AASS: variants seen among roughly 807,000 people sequenced by gnomAD.
AASS encodes the protein aminoadipate-semialdehyde synthase, also known as alpha-aminoadipic semialdehyde synthase, mitochondrial.
AASS carries 86 observed loss-of-function variants against 105.4 expected under a neutral mutation model. The observed-to-expected ratio is 0.82, with a 90% CI of 0.69 to 0.98. The LOEUF (loss-of-function observed/expected upper bound fraction) is 0.98, where lower values mean the gene tolerates loss of function less well. AASS is among the 50% of genes least tolerant of loss of function. The pLI, the probability that AASS is intolerant of heterozygous loss-of-function variation, is 0.00. For synonymous variants in AASS, 381 were observed against 394.8 expected, an observed-to-expected ratio of 0.96 and a Z score of 0.41; for missense variants, 1,048 against 1,143.2, an observed-to-expected ratio of 0.92 and a Z score of 1.20.
At chr7:122,089,222 C>T (rs1215818340) in intron 18 of AASS, among the ~76,000 whole-genome samples, 1 of 152,050 alleles carries the variant, frequency 6.6e-6, no homozygotes, top group African/African-American at 2.4e-5. Flanking sequence ...GACTGATACA[C>T]TTGAATTACT....
chr7:122,079,190 TAA>T, intron 21 of AASS: 2 of 1,411,196 alleles, frequency 1.4e-6, no homozygotes, highest in Non-Finnish European at 1.8e-6. Flanking sequence ...TGATGGATTG[TAA>T]TCCCATGTTC....
rs1433519188 is a variant in AASS, at chr7:122,092,844, G to T, written c.1874C>A (p.Thr625Lys). Reference sequence around the variant, plus strand: ...CCTTTGGGTACAAATTGGGCTCACCGTGGCTCCCACTTCCTTGGCTTTATC... The same window carrying T: ...CCTTTGGGTACAAATTGGGCTCACCTTGGCTCCCACTTCCTTGGCTTTATC... ...TIDKAKEVGA[T>K]IESYISYCGG... The change falls in exon 17 of 24, where the codon ACG (threonine) becomes AAG (lysine). Residue 625 changes from threonine (T) to lysine (K), a missense_variant and splice_region_variant. Thr to Lys is a moderately conservative substitution (Grantham distance 78). Transcript: ENST00000417368. 6.2e-7 allele frequency: 1 copy of T among 1,613,100 alleles called. No individual in the cohort carries two copies. The highest frequency in any genetic ancestry group is 1.3e-5 in the African/African-American group (1 of 74,852).
chr7:122,102,796 C>G (rs1300124965), intron 11 of AASS, among the ~76,000 whole-genome samples: 1 of 151,740 alleles, frequency 6.6e-6, no homozygotes, highest in African/African-American at 2.4e-5. Flanking sequence ...CACACAACAT[C>G]CAGAGCCTCG....
intron 11 of AASS, among the ~76,000 whole-genome samples, chr7:122,104,473 G>A (rs1265381547): frequency 6.6e-6 from 1 of 152,016 alleles, no homozygotes; most frequent in African/African-American, 2.4e-5. Context: ...GTGGGCACCT[G>A]TAATCCCATC....
At chr7:122,080,198 T>C (rs2150507664) in intron 20 of AASS, among the ~76,000 whole-genome samples, 1 of 152,336 alleles carries the variant, frequency 6.6e-6, no homozygotes, top group Non-Finnish European at 1.5e-5. Context: ...ACAGTAGCCA[T>C]AGTTTTTTCT....
intron 4 of AASS, among the ~76,000 whole-genome samples, chr7:122,122,890 A>C (rs1795502633): frequency 1.3e-5 from 2 of 152,132 alleles, no homozygotes. Flanking sequence ...TAGCTGTTTT[A>C]ATCTGCTTGT....
intron 4 of AASS, among the ~76,000 whole-genome samples, chr7:122,124,572 C>T (rs976541621): frequency 1.1e-4 from 16 of 152,180 alleles, no homozygotes; most frequent in African/African-American, 2.9e-4. Context: ...TGTGAGCCAC[C>T]GCACCCAGTC....
At chr7:122,128,880 G>C (rs905046528) in intron 3 of AASS, among the ~76,000 whole-genome samples, 4 of 152,040 alleles carry the variant, frequency 2.6e-5, no homozygotes, top group African/African-American at 7.2e-5. Context: ...AGATTGAGAC[G>C]ATCCTGGCTA....
chr7:122,098,709 T>A, intron 14 of AASS, 36 bp downstream of exon 14: 1 of 1,600,846 alleles, frequency 6.2e-7, no homozygotes, highest in African/African-American at 1.3e-5. Context: ...CGCTATAAAA[T>A]ACATTTTTCT....
At chr7:122,140,495 A>AAAAAAAAAAAAAAAAAAAAAAG (rs1300965186) in intron 1 of AASS, among the ~76,000 whole-genome samples, 1 of 148,586 alleles carries the variant, frequency 6.7e-6, no homozygotes, top group African/African-American at 2.5e-5. Flanking sequence ...CAAAAAAAAA[A>AAAAAAAAAAAAAAAAAAAAAAG]AAAAAAAAAA....
At position 122,098,869 on chromosome 7, in the gene AASS, A is replaced by AT. The variant is rs749943485; in HGVS notation, c.1407-4dup. On this transcript the variant is annotated splice_region_variant and splice_polypyrimidine_tract_variant and intron_variant, in intron 13 of 23. Coordinates refer to ENST00000417368, the MANE Select transcript of AASS (RefSeq NM_005763.4). ...TTGAAAGTGACTGAGCACGTTCCCTATTTAAAAAAAAAAAAAAAAAAAAAA... is the reference window on the plus strand; with the variant it reads ...TTGAAAGTGACTGAGCACGTTCCCTATTTTAAAAAAAAAAAAAAAAAAAAAA... The AT allele has an allele frequency of 9.5e-6, 13 of 1,364,640 alleles. No homozygotes were observed. The East Asian group carries it at 1.1e-4, about 11-fold the overall frequency. 84.5% of individuals were successfully genotyped at this position (1,364,640 alleles called of 1,614,324 possible). A position where few individuals can be genotyped will look rare whatever the true frequency, so the allele number is the denominator to read the frequency against.
At chr7:122,138,375 G>A (rs1444711972) in intron 1 of AASS, among the ~76,000 whole-genome samples, 1 of 152,060 alleles carries the variant, frequency 6.6e-6, no homozygotes, top group African/African-American at 2.4e-5. Flanking sequence ...CTATGATATA[G>A]TTTAATTTAT....
chr7:122,079,212 T>C, intron 21 of AASS: 2 of 1,388,142 alleles, frequency 1.4e-6, no homozygotes, highest in South Asian at 1.5e-5. Context: ...CTTACAAAGA[T>C]CTTTATGAGA....
chr7:122,093,099 T>A lies in AASS; in HGVS notation c.1715A>T (p.Asn572Ile). ...TGTGATGTAGCTTGCAGTGACCATG[T>A]TAACTTTGTTTGTGATGCAGGCCTT... Reference protein sequence around the residue: ...VAKACITNKVNMVTASYITPA... With the variant: ...VAKACITNKVIMVTASYITPA... Residue 572 changes from asparagine to isoleucine, a missense_variant, in exon 16 of 24, where the codon AAC (asparagine) becomes ATC (isoleucine). Coordinates refer to ENST00000417368, the MANE Select transcript of AASS (RefSeq NM_005763.4). The A allele has an allele frequency of 6.2e-7, 1 of 1,614,016 alleles. No homozygotes were observed. Among genetic ancestry groups the A allele is most frequent in the Non-Finnish European group, 8.5e-7 (1 of 1,179,892 alleles).
At chr7:122,082,389 T>C (rs1271942082) in intron 19 of AASS, among the ~76,000 whole-genome samples, 1 of 152,130 alleles carries the variant, frequency 6.6e-6, no homozygotes, top group African/African-American at 2.4e-5. Context: ...CACTTCTTCA[T>C]TTATGAAATG....
intron 1 of AASS, among the ~76,000 whole-genome samples, chr7:122,140,485 CAAAAAAAAAAAAAAA>C (rs57828681): frequency 2.7e-5 from 1 of 37,328 alleles, no homozygotes; most frequent in Non-Finnish European, 4.7e-5. Context: ...GACTCAGTCT[CAAAAAAAAAAAAAAA>C]AAAAAAAAGA....
rs577163286 is a variant in AASS at position 122,117,024 on chromosome 7, A to AGATCT, written c.688-72_688-68dup. 7.3e-5 allele frequency: 102 copies of AGATCT among 1,394,228 alleles called. 1 individual carries two copies. The highest frequency in any genetic ancestry group is 7.3e-5 in the Non-Finnish European group (72 of 986,382). The allele number at this position is 1,394,228 out of a possible 1,614,324, so 86.4% of individuals were successfully genotyped here. On this transcript the variant is annotated intron_variant, in intron 6 of 23. Coordinates refer to ENST00000417368, the MANE Select transcript of AASS (RefSeq NM_005763.4). Reference sequence around the variant, plus strand: ...AAAGAACCAACATGGTTTTCTGCAAAGATCTGATCATTTTCCCAACAATTA... The same window carrying AGATCT: ...AAAGAACCAACATGGTTTTCTGCAAAGATCTGATCTGATCATTTTCCCAACAATTA...
intron 3 of AASS, 33 bp from the exon 4 acceptor site, chr7:122,126,492 C>A (rs368117719): frequency 6.4e-7 from 1 of 1,556,380 alleles, no homozygotes. Context: ...TCAACTGGAC[C>A]CATTAAGCTT....
intron 21 of AASS, chr7:122,079,367 G>A: frequency 2.2e-6 from 3 of 1,371,298 alleles, no homozygotes; most frequent in Non-Finnish European, 2.8e-6. Context: ...CTTGGGAACT[G>A]AGTGGTAAAG....
Sources: gnomAD v4.1 joint callset for allele counts (sites outside exome capture counted in the v4.1 genomes callset) on GRCh38, gnomAD v4.1.1 for gene constraint, MANE v1.5 for transcripts, NCBI Gene and HGNC (gene_info 2026-07-23, HGNC 2026-07-21) for gene names.